Variants in DDX11 observed in about 807,000 individuals in gnomAD.
The protein encoded by DDX11 is ATP-dependent DNA helicase DDX11.
Under a neutral mutation model 125.2 loss-of-function variants are expected in DDX11, and 72 were observed. The observed-to-expected ratio is 0.58, with a 90% CI of 0.48 to 0.70. The LOEUF is 0.70. Ranked by LOEUF, DDX11 falls within the 30% of genes least tolerant of loss-of-function variation. The pLI is 0.00. For missense variants in DDX11, 883 were observed against 1,165.0 expected (o/e 0.76, Z 3.52); for synonymous variants, 347 against 452.6 (o/e 0.77, Z 2.96).
chr12:31,103,922 G>C lies in DDX11; in HGVS notation c.*86G>C. 6.2e-7 allele frequency: 1 copy of C among 1,613,614 alleles called. No individual in the cohort carries two copies. The highest frequency in any genetic ancestry group is 8.5e-7 in the Non-Finnish European group (1 of 1,179,774). Reference sequence around the variant, plus strand: ...TGTTTGTCGTGGGCGTGGTCTGCGGGGATCCTGTTACAAAGGTGAAACCCA... The same window carrying C: ...TGTTTGTCGTGGGCGTGGTCTGCGGCGATCCTGTTACAAAGGTGAAACCCA... On this transcript the variant is annotated 3_prime_UTR_variant, in exon 27 of 27. Coordinates refer to ENST00000542838, the MANE Select transcript of DDX11 (RefSeq NM_030653.4).
Position 31,084,633 on chromosome 12 carries a change from G to A in DDX11, c.444G>A (p.Gln148=), listed in dbSNP as rs750429647. ...GAGAAGAACGCCTGCAGCAGCTGCA[G>A]CACAGGGTGCAGCTCAAGTATGCAG... ...KQREERLQQL[Q]HRVQLKYAAK... Residue 148 remains glutamine, a synonymous_variant, in exon 4 of 27, where the codon CAG becomes CAA. Coordinates refer to ENST00000542838, the MANE Select transcript of DDX11 (RefSeq NM_030653.4). 4 of 1,592,712 alleles carry A rather than the reference G, an allele frequency of 2.5e-6. No individual in the cohort carries two copies. Among genetic ancestry groups the A allele is most frequent in the Admixed American group, 3.5e-5 (2 of 57,960 alleles).
At chr12:31,090,236 T>A in intron 9 of DDX11, 142 bp downstream of exon 9, 1 of 858,660 alleles carries the variant, frequency 1.2e-6, no homozygotes, top group Non-Finnish European at 1.9e-6. Context: ...TCTCTCCTGA[T>A]GTGTGAGTTG....
At position 31,101,955 on chromosome 12, in the gene DDX11, G is replaced by C. The variant is rs1248087534; in HGVS notation, c.2175G>C (p.Leu725=). 9 of 1,613,102 alleles carry C rather than the reference G, an allele frequency of 5.6e-6. No individual in the cohort carries two copies. Among genetic ancestry groups the C allele is most frequent in the Non-Finnish European group, 7.6e-6 (9 of 1,179,704 alleles). Residue 725 remains leucine, a synonymous_variant, in exon 21 of 27, where the codon CTG becomes CTC. Coordinates refer to ENST00000542838, the MANE Select transcript of DDX11 (RefSeq NM_030653.4). ...QVHAHWEKGG[L]LGRLAARKKI... Reference sequence around the variant, plus strand: ...ATGCCCACTGGGAGAAGGGTGGCCTGCTGGGCCGTCTGGCTGCCAGGAAGA... The same window carrying C: ...ATGCCCACTGGGAGAAGGGTGGCCTCCTGGGCCGTCTGGCTGCCAGGAAGA...
chr12:31,074,251 C>A (rs1172687212), intron 1 of DDX11, 160 bp downstream of exon 1: 1 of 151,464 alleles, frequency 6.6e-6, no homozygotes, highest in Non-Finnish European at 1.5e-5. Context: ...ACAGCAGCCG[C>A]GTGTCTGGGT....
At chr12:31,098,628 T>C (rs1226763648) in intron 18 of DDX11, among the ~76,000 whole-genome samples, 1 of 152,274 alleles carries the variant, frequency 6.6e-6, no homozygotes, top group Non-Finnish European at 1.5e-5. Context: ...TGCACAGTGG[T>C]GACTCCTACC....
At chr12:31,077,585 C>T (rs1194259799) in intron 1 of DDX11, among the ~76,000 whole-genome samples, 2 of 151,966 alleles carry the variant, frequency 1.3e-5, no homozygotes, top group African/African-American at 2.4e-5. Context: ...CGGTGGCTCA[C>T]GCCTGTAATC....
intron 1 of DDX11, among the ~76,000 whole-genome samples, chr12:31,076,290 G>A (rs1231081658): frequency 6.6e-6 from 1 of 152,192 alleles, no homozygotes; most frequent in Non-Finnish European, 1.5e-5. Flanking sequence ...GGCTGTATCC[G>A]GCACCTGGCT....
Position 31,090,077 on chromosome 12 carries a change from G to A in DDX11, c.1072G>A (p.Ala358Thr), listed in dbSNP as rs1250548353. 1 of 1,549,632 alleles carries A rather than the reference G, an allele frequency of 6.5e-7. No homozygotes were observed. Among genetic ancestry groups the A allele is most frequent in the Non-Finnish European group, 8.7e-7 (1 of 1,146,672 alleles). The change falls in exon 9 of 27, where the codon GCC becomes ACC. Residue 358 changes from alanine to threonine, a missense_variant. By Grantham distance (58) the Ala-to-Thr change is moderately conservative (BLOSUM62 0). This residue lies in a region of DDX11 where 72 missense variants were observed against 159.7 expected (regional missense o/e 0.45). Transcript: ENST00000542838. Reference sequence around the variant, plus strand: ...CTGTCCCTATTACGGGAGCCGCCTTGCCATCCCTGCAGCCCAGGTGAGGGC... The same window carrying A: ...CTGTCCCTATTACGGGAGCCGCCTTACCATCCCTGCAGCCCAGGTGAGGGC... ...RACPYYGSRL[A>T]IPAAQLVVLP... is the part of the protein sequence containing the mutation.
chr12:31,089,442 G>T lies in DDX11; in HGVS notation c.832G>T (p.Val278Leu). Residue 278 changes from valine to leucine, a missense_variant, in exon 8 of 27, where the codon GTG becomes TTG. By Grantham distance (32) the Val-to-Leu change is conservative (BLOSUM62 1). This residue lies in a region of DDX11 where 283 missense variants were observed against 359.6 expected (regional missense o/e 0.79). Coordinates refer to ENST00000542838, the MANE Select transcript of DDX11 (RefSeq NM_030653.4). ...VNEDVKSLGS[V>L]QLINDRCVDM... ...TGAAGACGTGAAAAGCCTAGGTTCT[G>T]TGCAGCTTATCAACGACCGCTGTGT... is the stretch of plus-strand genomic sequence containing the variant. 3.1e-6 allele frequency: 5 copies of T among 1,614,000 alleles called. No homozygotes were observed. The highest frequency in any genetic ancestry group is 4.2e-6 in the Non-Finnish European group (5 of 1,179,868).
At chr12:31,093,469 A>G in intron 12 of DDX11, 145 bp downstream of exon 12, 1 of 1,077,706 alleles carries the variant, frequency 9.3e-7, no homozygotes, top group Non-Finnish European at 1.4e-6. Flanking sequence ...TAATCCCAGC[A>G]CTTGGGAGGC....
chr12:31,094,953 C>T, intron 14 of DDX11, 131 bp downstream of exon 14: 1 of 987,536 alleles, frequency 1.0e-6, no homozygotes, highest in Non-Finnish European at 1.6e-6. Context: ...ACCCTTAACG[C>T]AACATGCCTG....
At chr12:31,079,288 T>G (rs1432957298) in intron 2 of DDX11, among the ~76,000 whole-genome samples, 1 of 149,586 alleles carries the variant, frequency 6.7e-6, no homozygotes, top group Non-Finnish European at 1.5e-5. Context: ...CATCATCCAG[T>G]GGCCTCTCAA....
In DDX11 at chr12:31,089,417, T is replaced by A. The variant is rs1943767235; in HGVS notation, c.807T>A (p.Asn269Lys). The change falls in exon 8 of 27, where the codon AAT becomes AAA. Residue 269 changes from asparagine to lysine, a missense_variant. Transcript: ENST00000542838. The stretch of plus-strand genomic sequence containing the variant: ...CTTTGCTGCAGAACCTTTGTGTAAA[T>A]GAAGACGTGAAAAGCCTAGGTTCTG... Reference protein sequence around the residue: ...SLGSRQNLCVNEDVKSLGSVQ... With the variant: ...SLGSRQNLCVKEDVKSLGSVQ... 4 of 1,613,874 alleles carry A rather than the reference T, an allele frequency of 2.5e-6. No homozygotes were observed. Among genetic ancestry groups the A allele is most frequent in the Non-Finnish European group, 3.4e-6 (4 of 1,179,890 alleles).
At chr12:31,084,186 C>A (rs1400332299) in intron 3 of DDX11, 125 bp downstream of exon 3, 14 of 1,317,470 alleles carry the variant, frequency 1.1e-5, no homozygotes, top group Non-Finnish European at 1.5e-5. Context: ...CTCAGCTCTT[C>A]CCTCAGCTCC....
chr12:31,085,043 G>A lies in DDX11; in HGVS notation c.555G>A (p.Glu185=). ...REMLETGPEA[E]RLEQLESGEE... ...TGCTAGAGACAGGCCCGGAGGCTGA[G>A]CGGCTGGAGCAGCTGGAGTCTGGGG... Residue 185 remains glutamate (E), a synonymous_variant, in exon 5 of 27, where the codon GAG becomes GAA. Transcript: ENST00000542838. The A allele has an allele frequency of 6.2e-7, 1 of 1,610,612 alleles. No homozygotes were observed.
At chr12:31,078,289 G>T (rs2140402235) in intron 1 of DDX11, 101 bp from the exon 2 acceptor site, 1 of 1,610,678 alleles carries the variant, frequency 6.2e-7, no homozygotes, top group Non-Finnish European at 8.5e-7. Context: ...GAGAAATTTG[G>T]TAATAAGTGT....
In DDX11 at chr12:31,097,918, T is replaced by C; in HGVS notation, c.1796T>C (p.Leu599Pro). ...SLSQSTLKFL[L>P]LNPAVHFAQV... ...AGTCAGAGCACCCTGAAGTTTTTGC[T>C]CCTGAATCCAGCTGTGCACTTTGCC... The change falls in exon 18 of 27, where the codon CTC (leucine) becomes CCC (proline). Residue 599 changes from leucine to proline, a missense_variant. Transcript: ENST00000542838. The C allele has an allele frequency of 6.2e-7, 1 of 1,613,668 alleles. No homozygotes were observed.
intron 5 of DDX11, 27 bp downstream of exon 5, chr12:31,085,153 T>C (rs1942863790): frequency 6.4e-7 from 1 of 1,550,814 alleles, no homozygotes; most frequent in South Asian, 1.2e-5. Flanking sequence ...AGCACTACCC[T>C]GCCCCAGGCC....
intron 3 of DDX11, 108 bp downstream of exon 3, chr12:31,084,169 C>T: frequency 3.4e-6 from 5 of 1,481,398 alleles, no homozygotes; most frequent in Admixed American, 3.4e-5. Context: ...CTGCCGTTGC[C>T]GTGCCTCTCA....
Sources: allele counts gnomAD v4.1 joint callset (sites outside exome capture counted in the v4.1 genomes callset), GRCh38; gene constraint gnomAD v4.1.1; regional missense constraint gnomAD v4.1.1; transcripts MANE v1.5; gene names NCBI Gene and HGNC (gene_info 2026-07-23, HGNC 2026-07-21).